CCDC171: variants seen among roughly 807,000 people sequenced by gnomAD.
The protein encoded by CCDC171 is coiled-coil domain containing 171.
Under a neutral mutation model 168.2 loss-of-function variants are expected in CCDC171, and 177 were observed. The ratio of observed to expected loss-of-function variants is 1.05; its 90% CI spans 0.93 to 1.19. The LOEUF is 1.19. Among genes scored for constraint, CCDC171 ranks in the 50% most tolerant of loss-of-function variants. The pLI, the probability that CCDC171 is intolerant of heterozygous loss-of-function variation, is 0.00. For missense variants in CCDC171, 1,991 were observed against 1,539.0 expected (o/e 1.29, Z -4.91); for synonymous variants, 687 against 540.8 (o/e 1.27, Z -3.75).
chr9:15,596,396 T>C (rs1178947246), intron 6 of CCDC171, among the ~76,000 whole-genome samples: 1 of 151,492 alleles, frequency 6.6e-6, no homozygotes, highest in African/African-American at 2.4e-5. Context: ...ATTTATTAAA[T>C]AGGGAATCCT....
At chr9:15,844,948 T>C (rs2060833104) in intron 21 of CCDC171, among the ~76,000 whole-genome samples, 1 of 152,084 alleles carries the variant, frequency 6.6e-6, no homozygotes, top group Admixed American at 6.6e-5. Flanking sequence ...AATATGCACC[T>C]CTAGTCATAA....
At chr9:15,811,173 T>G (rs958487123) in intron 21 of CCDC171, among the ~76,000 whole-genome samples, 3 of 152,186 alleles carry the variant, frequency 2.0e-5, no homozygotes, top group African/African-American at 7.2e-5. Flanking sequence ...GGCAGAAACC[T>G]TTTGGAACCA....
the CCDC171 span, among the ~76,000 whole-genome samples, chr9:16,085,216 A>G: frequency 6.6e-6 from 1 of 152,220 alleles, no homozygotes; most frequent in Non-Finnish European, 1.5e-5. Context: ...TCCCATTCCA[A>G]TGGCTTGCTG....
chr9:15,759,682 T>A (rs928206894), intron 18 of CCDC171, among the ~76,000 whole-genome samples: 3 of 152,172 alleles, frequency 2.0e-5, no homozygotes, highest in African/African-American at 7.2e-5. Context: ...ATGATTAGAT[T>A]CAGCTTGTGC....
At chr9:15,674,673 A>T (rs1332593271) in intron 9 of CCDC171, among the ~76,000 whole-genome samples, 1 of 152,114 alleles carries the variant, frequency 6.6e-6, no homozygotes, top group Non-Finnish European at 1.5e-5. Flanking sequence ...AGCAGTTTTG[A>T]GTGAGTTTCT....
chr9:16,061,997 A>G (rs1287107536), downstream of CCDC171, among the ~76,000 whole-genome samples: 1 of 152,186 alleles, frequency 6.6e-6, no homozygotes, highest in Non-Finnish European at 1.5e-5. Context: ...AATTTTTAAA[A>G]ATACCTCACT....
chr9:16,062,919 C>T (rs983084192), downstream of CCDC171, among the ~76,000 whole-genome samples: 6 of 152,082 alleles, frequency 3.9e-5, no homozygotes, highest in Non-Finnish European at 5.9e-5. Context: ...GACATGTGCT[C>T]GGTGTAGCTC....
chr9:15,698,156 A>G (rs1382238913), intron 11 of CCDC171, among the ~76,000 whole-genome samples: 1 of 152,130 alleles, frequency 6.6e-6, no homozygotes, highest in Non-Finnish European at 1.5e-5. Flanking sequence ...ACCATCCTCC[A>G]CACTGCCACT....
intron 21 of CCDC171, among the ~76,000 whole-genome samples, chr9:15,788,868 T>C (rs993129651): frequency 2.6e-5 from 4 of 152,154 alleles, no homozygotes; most frequent in Non-Finnish European, 4.4e-5. Flanking sequence ...CATTTCTTTA[T>C]ATGTAATAGT....
chr9:15,686,527 A>C (rs916703421), intron 10 of CCDC171, among the ~76,000 whole-genome samples: 2 of 152,166 alleles, frequency 1.3e-5, no homozygotes, highest in African/African-American at 4.8e-5. Flanking sequence ...AAAATAAAAA[A>C]ATAAAAAAAA....
intron 7 of CCDC171, among the ~76,000 whole-genome samples, chr9:15,626,007 G>A (rs1002001291): frequency 3.9e-5 from 6 of 152,146 alleles, no homozygotes; most frequent in Admixed American, 6.5e-5. Flanking sequence ...GCAGTGGTTT[G>A]TAGTTCTCCT....
At chr9:15,577,620 G>A (rs2040774484) in intron 3 of CCDC171, among the ~76,000 whole-genome samples, 1 of 152,190 alleles carries the variant, frequency 6.6e-6, no homozygotes, top group Non-Finnish European at 1.5e-5. Flanking sequence ...GTTTAGTTAG[G>A]AAAACAGAAA....
At chr9:15,652,881 A>T (rs749540249) in intron 7 of CCDC171, among the ~76,000 whole-genome samples, 7 of 152,200 alleles carry the variant, frequency 4.6e-5, no homozygotes, top group Non-Finnish European at 1.0e-4. Flanking sequence ...TGTTTCTCAC[A>T]TGCTTCTGAT....
At chr9:15,573,795 T>C (rs1353442088) in intron 3 of CCDC171, among the ~76,000 whole-genome samples, 1 of 151,388 alleles carries the variant, frequency 6.6e-6, no homozygotes, top group Non-Finnish European at 1.5e-5. Flanking sequence ...GTGTGGTGGC[T>C]CATGCCTGTA....
chr9:15,811,848 C>T (rs1045468553), intron 21 of CCDC171, among the ~76,000 whole-genome samples: 4 of 152,236 alleles, frequency 2.6e-5, no homozygotes, highest in Non-Finnish European at 4.4e-5. Context: ...CTGCTGTAAC[C>T]AGTACCTAAA....
intron 9 of CCDC171, among the ~76,000 whole-genome samples, chr9:15,669,337 A>T (rs1273370799): frequency 1.3e-5 from 2 of 152,084 alleles, no homozygotes; most frequent in Non-Finnish European, 2.9e-5. Flanking sequence ...TTTATTTTTA[A>T]TTATGGGTAA....
At chr9:15,934,877 G>T (rs1031149206) in intron 25 of CCDC171, among the ~76,000 whole-genome samples, 1 of 151,980 alleles carries the variant, frequency 6.6e-6, no homozygotes, top group Non-Finnish European at 1.5e-5. Context: ...CTGTGAAATC[G>T]TTATGCTAAG....
At chr9:15,790,289 T>C (rs1410587362) in intron 21 of CCDC171, among the ~76,000 whole-genome samples, 1 of 152,244 alleles carries the variant, frequency 6.6e-6, no homozygotes, top group Non-Finnish European at 1.5e-5. Flanking sequence ...ATTGCCATTC[T>C]AACTGGTGTG....
At chr9:15,791,595 CTTGCCTGA>C (rs1362250735) in intron 21 of CCDC171, among the ~76,000 whole-genome samples, 1 of 152,150 alleles carries the variant, frequency 6.6e-6, no homozygotes. Context: ...ATTTCTTTCT[CTTGCCTGA>C]TTGCCCTGGT....
Sources: gnomAD v4.1 joint callset for allele counts (sites outside exome capture counted in the v4.1 genomes callset) on GRCh38, gnomAD v4.1.1 for gene constraint, MANE v1.5 for transcripts, NCBI Gene and HGNC (gene_info 2026-07-23, HGNC 2026-07-21) for gene names.